Variants in CTNND2 observed in about 807,000 individuals in gnomAD.
CTNND2 encodes the protein catenin delta 2.
CTNND2 carries 22 observed loss-of-function variants against 144.4 expected under a neutral mutation model. That is an observed-to-expected ratio of 0.15 (90% CI 0.11 to 0.22). The LOEUF (loss-of-function observed/expected upper bound fraction) is 0.22. Among genes scored for constraint, CTNND2 ranks in the 10% least tolerant of loss-of-function variants. The pLI, the probability that CTNND2 is intolerant of heterozygous loss-of-function variation, is 1.00. For synonymous variants in CTNND2, 751 were observed against 695.6 expected (o/e 1.08, Z -1.25); for missense variants, 1,353 against 1,618.8 (o/e 0.84, Z 2.82).
At chr5:11,665,580 C>T (rs114837179) in intron 2 of CTNND2, among the ~76,000 whole-genome samples, 235 of 152,222 alleles carry the variant, frequency 1.5e-3, no homozygotes, top group African/African-American at 5.5e-3. Flanking sequence ...CAATGCTATA[C>T]GGAATATCAT....
intron 2 of CTNND2, among the ~76,000 whole-genome samples, chr5:11,698,402 C>T (rs1247862461): frequency 2.0e-5 from 3 of 151,930 alleles, no homozygotes; most frequent in Non-Finnish European, 4.4e-5. Context: ...GATTCTCCTG[C>T]CTCAGCCTCC....
At chr5:11,025,358 G>C (rs1358549541) in intron 16 of CTNND2, among the ~76,000 whole-genome samples, 1 of 147,732 alleles carries the variant, frequency 6.8e-6, no homozygotes, top group East Asian at 2.4e-4. Context: ...AGAAATTTGG[G>C]TAGCAAAAAA....
At chr5:11,777,703 A>T (rs907553916) in intron 1 of CTNND2, among the ~76,000 whole-genome samples, 1 of 152,212 alleles carries the variant, frequency 6.6e-6, no homozygotes, top group Non-Finnish European at 1.5e-5. Flanking sequence ...TCCCTACAGC[A>T]AAATTCTTCT....
chr5:11,348,483 C>T (rs1202669943), intron 8 of CTNND2, among the ~76,000 whole-genome samples: 2 of 148,984 alleles, frequency 1.3e-5, no homozygotes, highest in African/African-American at 4.9e-5. Context: ...GTACATCTGG[C>T]ATTTTTCATA....
intron 2 of CTNND2, among the ~76,000 whole-genome samples, chr5:11,676,125 A>C (rs942595571): frequency 2.6e-5 from 4 of 151,956 alleles, no homozygotes; most frequent in African/African-American, 9.7e-5. Context: ...CCCTACACAC[A>C]CACACATATA....
At position 11,106,155 on chromosome 5, in the gene CTNND2, C is replaced by T. The variant is rs561621231; in HGVS notation, c.2463+4703G>A. On this transcript the variant is annotated intron_variant, in intron 14 of 21. Coordinates refer to ENST00000304623, the MANE Select transcript of CTNND2 (RefSeq NM_001332.4). ...AGTGATTAAGATAAATTCTGGTTTGCGTATTGAGAGTCTTAAAAGCATGCA... is the reference window on the plus strand; with the variant it reads ...AGTGATTAAGATAAATTCTGGTTTGTGTATTGAGAGTCTTAAAAGCATGCA... 3.3e-5 allele frequency among the ~76,000 whole-genome samples: 5 copies of T among 152,272 alleles called. 1 individual carries two copies. Among genetic ancestry groups the T allele is most frequent in the African/African-American group, 7.2e-5 (3 of 41,550 alleles).
At chr5:11,386,208 G>C (rs192889740) in intron 6 of CTNND2, among the ~76,000 whole-genome samples, 2 of 152,140 alleles carry the variant, frequency 1.3e-5, no homozygotes, top group Non-Finnish European at 2.9e-5. Context: ...GGCTTTCCCC[G>C]GGGAGCAGAG....
At chr5:11,444,216 T>A (rs1315786828) in intron 3 of CTNND2, among the ~76,000 whole-genome samples, 1 of 152,198 alleles carries the variant, frequency 6.6e-6, no homozygotes, top group African/African-American at 2.4e-5. Context: ...ACTGGGCTGC[T>A]GGAGAACTGG....
chr5:11,182,990 T>C (rs935419473), intron 11 of CTNND2, among the ~76,000 whole-genome samples: 9 of 152,226 alleles, frequency 5.9e-5, no homozygotes, highest in Admixed American at 5.9e-4. Context: ...TCACTAAGCA[T>C]GTGGCTTATC....
chr5:11,675,277 G>A (rs891662037), intron 2 of CTNND2, among the ~76,000 whole-genome samples: 1 of 152,122 alleles, frequency 6.6e-6, no homozygotes, highest in Non-Finnish European at 1.5e-5. Flanking sequence ...CATAGCACCA[G>A]CCCAATCCCT....
At chr5:11,420,301 C>T (rs116761943) in intron 3 of CTNND2, among the ~76,000 whole-genome samples, 1,901 of 152,114 alleles carry the variant, frequency 0.012, 28 homozygotes, top group South Asian at 0.04. Flanking sequence ...CCAGCCCGGG[C>T]GACAGTGCAA....
chr5:11,389,754 T>A lies in CTNND2; in HGVS notation c.613-4525A>T, dbSNP rs189912164. Among the ~76,000 whole-genome samples the A allele has an allele frequency of 1.9e-4, 29 of 152,256 alleles. 1 individual carries two copies. In the East Asian group the frequency reaches 5.6e-3, roughly 29 times the overall value. ...AGTCTGGGAATCCCTACTCTGAAAA[T>A]CCAAAATCTGAAATCCAAAAATCCC... On this transcript the variant is annotated intron_variant, in intron 6 of 21. Transcript: ENST00000304623.
intron 2 of CTNND2, among the ~76,000 whole-genome samples, chr5:11,730,936 G>A (rs1473136469): frequency 2.6e-5 from 4 of 152,330 alleles, no homozygotes; most frequent in South Asian, 4.1e-4. Flanking sequence ...TAACAAGGTA[G>A]TGTATTGAGG....
intron 14 of CTNND2, among the ~76,000 whole-genome samples, chr5:11,101,468 G>A (rs1751869919): frequency 6.6e-6 from 1 of 152,122 alleles, no homozygotes; most frequent in Admixed American, 6.5e-5. Context: ...AAAATCATGG[G>A]ATATACAACT....
At chr5:11,428,893 C>T (rs1035392519) in intron 3 of CTNND2, among the ~76,000 whole-genome samples, 4 of 152,208 alleles carry the variant, frequency 2.6e-5, no homozygotes, top group African/African-American at 7.2e-5. Flanking sequence ...TACAGTCATG[C>T]TCCTTTGTCC....
chr5:11,171,079 T>C (rs544643546), intron 11 of CTNND2, among the ~76,000 whole-genome samples: 1 of 152,186 alleles, frequency 6.6e-6, no homozygotes, highest in Non-Finnish European at 1.5e-5. Flanking sequence ...CAAGAAGAGA[T>C]TTGGGTGGGG....
chr5:11,462,462 G>C (rs181137578), intron 3 of CTNND2, among the ~76,000 whole-genome samples: 24 of 152,132 alleles, frequency 1.6e-4, no homozygotes, highest in African/African-American at 5.3e-4. Flanking sequence ...TGCTGTTGTG[G>C]CAGCAGAGAG....
At chr5:11,374,111 T>C (rs7725550) in intron 7 of CTNND2, among the ~76,000 whole-genome samples, 5,980 of 152,244 alleles carry the variant, frequency 0.039, 301 homozygotes, top group East Asian at 0.15. Flanking sequence ...GAACTCTTGC[T>C]ATAAAGAACT....
intron 16 of CTNND2, among the ~76,000 whole-genome samples, chr5:11,074,181 G>C (rs954358936): frequency 1.1e-4 from 16 of 152,300 alleles, no homozygotes; most frequent in Middle Eastern, 3.4e-3. Flanking sequence ...CCCTCAAGAG[G>C]TCTGTTTCCC....
Sources: allele counts gnomAD v4.1 joint callset (sites outside exome capture counted in the v4.1 genomes callset), GRCh38; gene constraint gnomAD v4.1.1; transcripts MANE v1.5; gene names NCBI Gene and HGNC (gene_info 2026-07-23, HGNC 2026-07-21).